TESMIN: variants seen among roughly 807,000 people sequenced by gnomAD.
The protein encoded by TESMIN is CXC domain containing 2.
In TESMIN, 34 loss-of-function variants were observed where a neutral mutation model predicts 47.4. The observed-to-expected ratio is 0.72, with a 90% CI of 0.55 to 0.96. The LOEUF (loss-of-function observed/expected upper bound fraction) is 0.96. TESMIN is among the 40% of genes least tolerant of loss of function. The probability of loss-of-function intolerance (pLI) is 0.00; values close to 1 mark genes in which losing one functional copy is unlikely to be tolerated. For missense variants in TESMIN, 610 were observed against 637.2 expected (o/e 0.96, Z 0.46); for synonymous variants, 278 against 258.9 (o/e 1.07, Z -0.71).
chr11:68,744,961 CAT>C, intron 4 of TESMIN, 28 bp downstream of exon 4: 1 of 1,489,944 alleles, frequency 6.7e-7, no homozygotes, highest in Middle Eastern at 1.8e-4. Flanking sequence ...ACATATATGA[CAT>C]AGTTTTTTTT....
chr11:68,738,996 T>A (rs1946425656), intron 5 of TESMIN, among the ~76,000 whole-genome samples: 1 of 151,758 alleles, frequency 6.6e-6, no homozygotes, highest in Non-Finnish European at 1.5e-5. Flanking sequence ...TGTCTGGAAG[T>A]GTGCAAAGAT....
chr11:68,730,204 C>CT (rs1334416270), intron 6 of TESMIN, among the ~76,000 whole-genome samples: 1 of 152,304 alleles, frequency 6.6e-6, no homozygotes, highest in African/African-American at 2.4e-5. Context: ...GTTATATAAA[C>CT]ATAACTTCTA....
At chr11:68,718,269 GC>G (rs1946165575) in intron 6 of TESMIN, among the ~76,000 whole-genome samples, 1 of 152,148 alleles carries the variant, frequency 6.6e-6, no homozygotes, top group South Asian at 2.1e-4. Context: ...AAAGACAGGG[GC>G]CCAGAGAAAC....
intron 6 of TESMIN, chr11:68,736,892 C>G: frequency 1.0e-6 from 1 of 985,470 alleles, no homozygotes; most frequent in Non-Finnish European, 1.2e-6. Flanking sequence ...CCTGAAAACG[C>G]TGTCATGACT....
chr11:68,720,106 T>C (rs1946187767), intron 6 of TESMIN, among the ~76,000 whole-genome samples: 1 of 152,112 alleles, frequency 6.6e-6, no homozygotes, highest in African/African-American at 2.4e-5. Flanking sequence ...CAGCAGACTG[T>C]TTTCAAAGCA....
In TESMIN at chr11:68,710,839, C is replaced by T. The variant is rs755502659; in HGVS notation, c.1334+35G>A. 2.6e-6 allele frequency: 4 copies of T among 1,549,478 alleles called. No homozygotes were observed. The South Asian group carries it at 4.8e-5, about 18-fold the overall frequency. On this transcript the variant is annotated intron_variant, in intron 9 of 9. Transcript: ENST00000255087. ...TTCTCCTCTCAAATTAACCTCTGTT[C>T]CCTCTATTAGCAGAGGTTAGTTCAA...
chr11:68,711,533 G>A (rs1946072350), intron 8 of TESMIN, among the ~76,000 whole-genome samples: 1 of 152,108 alleles, frequency 6.6e-6, no homozygotes, highest in Non-Finnish European at 1.5e-5. Context: ...GAGGCCGAGT[G>A]TATGGGTGTG....
Position 68,750,236 on chromosome 11 carries a change from G to C in TESMIN, c.425C>G (p.Ala142Gly). The change falls in exon 2 of 10, where the codon GCC (alanine) becomes GGC (glycine). Residue 142 changes from alanine to glycine, a missense_variant. By Grantham distance (60) the Ala-to-Gly change is moderately conservative (BLOSUM62 0). Coordinates refer to ENST00000255087, the MANE Select transcript of TESMIN (RefSeq NM_004923.3). ...HRSPAVLPLGAWVLEGASHPG... is the reference protein window; with the variant it reads ...HRSPAVLPLGGWVLEGASHPG... Reference sequence around the variant, plus strand: ...GTGGGAGGCTCCTTCCAGGACCCAGGCGCCCAGGGGCAACACCGCCGGGCT... The same window carrying C: ...GTGGGAGGCTCCTTCCAGGACCCAGCCGCCCAGGGGCAACACCGCCGGGCT... 1.3e-6 allele frequency: 2 copies of C among 1,528,746 alleles called. No homozygotes were observed. Among genetic ancestry groups the C allele is most frequent in the Non-Finnish European group, 1.7e-6 (2 of 1,149,150 alleles). 94.7% of individuals were successfully genotyped at this position (1,528,746 alleles called of 1,614,324 possible).
At position 68,750,243 on chromosome 11, in the gene TESMIN, G is replaced by A. The variant is rs2153993626; in HGVS notation, c.418C>T (p.Leu140=). The stretch of plus-strand genomic sequence containing the variant: ...GCTCCTTCCAGGACCCAGGCGCCCA[G>A]GGGCAACACCGCCGGGCTGCGGTGC... ...PAHRSPAVLP[L]GAWVLEGASH... is the part of the protein sequence containing the mutation. Residue 140 remains leucine (L), a synonymous_variant, in exon 2 of 10, where the codon CTG becomes TTG. Coordinates refer to ENST00000255087, the MANE Select transcript of TESMIN (RefSeq NM_004923.3). 3.9e-6 allele frequency: 6 copies of A among 1,534,506 alleles called. No individual in the cohort carries two copies. The highest frequency in any genetic ancestry group is 1.2e-5 in the South Asian group (1 of 81,416).
intron 6 of TESMIN, chr11:68,737,912 C>G (rs1049084807): frequency 1.4e-4 from 132 of 940,016 alleles, no homozygotes; most frequent in Non-Finnish European, 1.6e-4. Context: ...GAGTCCGTCT[C>G]AAAAAAACAA....
chr11:68,714,374 T>TGCACAC (rs1253157903), intron 7 of TESMIN, among the ~76,000 whole-genome samples: 1 of 150,122 alleles, frequency 6.7e-6, no homozygotes, highest in Non-Finnish European at 1.5e-5. Flanking sequence ...CACACCTGTG[T>TGCACAC]ACCTGTGCAC....
intron 2 of TESMIN, among the ~76,000 whole-genome samples, 162 bp downstream of exon 2, chr11:68,750,026 CAA>C (rs1946569816): frequency 1.3e-5 from 2 of 152,136 alleles, no homozygotes; most frequent in African/African-American, 4.8e-5. Flanking sequence ...AGGAAGACGA[CAA>C]AGAGTATACG....
At position 68,736,320 on chromosome 11, in the gene TESMIN, A is replaced by AC. The variant is rs1450605005; in HGVS notation, c.917+2379dup. On this transcript the variant is annotated intron_variant, in intron 6 of 9. Coordinates refer to ENST00000255087, the MANE Select transcript of TESMIN (RefSeq NM_004923.3). ...AGCTAGTTAATAAGTTAGCCAGTTC[A>AC]CCCCCCAACCCTAACAAATGACCAT... 9.1e-6 allele frequency: 9 copies of AC among 985,172 alleles called. No homozygotes were observed. In the African/African-American group the frequency reaches 1.4e-4, roughly 15 times the overall value. 61.0% of individuals were successfully genotyped at this position (985,172 alleles called of 1,614,324 possible).
chr11:68,737,593 G>A, intron 6 of TESMIN: 2 of 985,652 alleles, frequency 2.0e-6, no homozygotes, highest in Non-Finnish European at 2.4e-6. Flanking sequence ...TCAGGCCCAG[G>A]GTATGTGTTT....
At chr11:68,719,147 C>T (rs1946175890) in intron 6 of TESMIN, among the ~76,000 whole-genome samples, 1 of 152,194 alleles carries the variant, frequency 6.6e-6, no homozygotes, top group African/African-American at 2.4e-5. Context: ...CCATGGCAGG[C>T]CAGGCCAGGC....
intron 2 of TESMIN, among the ~76,000 whole-genome samples, chr11:68,749,033 T>C (rs1468900644): frequency 2.0e-5 from 3 of 152,204 alleles, no homozygotes; most frequent in Non-Finnish European, 2.9e-5. Flanking sequence ...TTCTGATTAA[T>C]GCTTTCTGAC....
downstream of TESMIN, among the ~76,000 whole-genome samples, chr11:68,706,865 G>A (rs995733532): frequency 6.6e-6 from 1 of 152,168 alleles, no homozygotes; most frequent in African/African-American, 2.4e-5. Flanking sequence ...GTTGCCGAGA[G>A]GGACAGCAGG....
At chr11:68,716,409 G>A (rs1387260052) in intron 6 of TESMIN, among the ~76,000 whole-genome samples, 1 of 152,248 alleles carries the variant, frequency 6.6e-6, no homozygotes. Flanking sequence ...CCCAGAGGTG[G>A]AACCTGGCCT....
chr11:68,723,203 A>G (rs150621235), intron 6 of TESMIN, among the ~76,000 whole-genome samples: 350 of 152,262 alleles, frequency 2.3e-3, no homozygotes, highest in African/African-American at 8.0e-3. Context: ...ACATTATCTA[A>G]CTACAGAGTA....
Sources: allele counts gnomAD v4.1 joint callset (sites outside exome capture counted in the v4.1 genomes callset), GRCh38; gene constraint gnomAD v4.1.1; transcripts MANE v1.5; gene names NCBI Gene and HGNC (gene_info 2026-07-23, HGNC 2026-07-21).